DNAJC7: variants seen among roughly 807,000 people sequenced by gnomAD.
DNAJC7 encodes the protein dnaJ homolog subfamily C member 7.
A neutral mutation model predicts 67.4 loss-of-function variants in DNAJC7; 18 were observed. That is an observed-to-expected ratio of 0.27 (90% CI 0.18 to 0.40). The LOEUF (loss-of-function observed/expected upper bound fraction) is 0.40, where lower values mean the gene tolerates loss of function less well. Ranked by LOEUF, DNAJC7 falls within the 10% of genes least tolerant of loss-of-function variation. DNAJC7 has a pLI of 1.00. For synonymous variants in DNAJC7, 220 were observed against 207.8 expected, an observed-to-expected ratio of 1.06 and a Z score of -0.50; for missense variants, 419 against 613.8, an observed-to-expected ratio of 0.68 and a Z score of 3.35.
intron 7 of DNAJC7, among the ~76,000 whole-genome samples, 183 bp from the exon 8 acceptor site, chr17:41,989,079 G>C (rs1555647303): frequency 6.6e-6 from 1 of 152,178 alleles, no homozygotes; most frequent in East Asian, 1.9e-4. Flanking sequence ...GACAGGAAAA[G>C]AGTTACCAAA....
chr17:41,989,274 A>T, intron 7 of DNAJC7, 130 bp downstream of exon 7: 1 of 1,289,060 alleles, frequency 7.8e-7, no homozygotes, highest in Non-Finnish European at 1.1e-6. Context: ...TCTAATAAAG[A>T]CCAAGCATCC....
chr17:41,996,041 T>A (rs999866643), intron 4 of DNAJC7, among the ~76,000 whole-genome samples: 12 of 152,226 alleles, frequency 7.9e-5, no homozygotes, highest in Non-Finnish European at 1.2e-4. Context: ...TTAACCTCAC[T>A]CAAATCAGTC....
intron 5 of DNAJC7, 87 bp from the exon 6 acceptor site, chr17:41,990,469 A>C: frequency 4.5e-6 from 5 of 1,116,220 alleles, no homozygotes; most frequent in Middle Eastern, 2.0e-4. Flanking sequence ...TAACAGACTC[A>C]AAACTCAATG....
chr17:41,985,739 T>A (rs1323601486), intron 9 of DNAJC7: 1 of 152,150 alleles, frequency 6.6e-6, no homozygotes, highest in Non-Finnish European at 1.5e-5. Context: ...ACTGCAGCAG[T>A]AGTCAGGCCA....
chr17:41,999,217 G>T (rs1401653942), intron 2 of DNAJC7, among the ~76,000 whole-genome samples: 2 of 151,692 alleles, frequency 1.3e-5, no homozygotes, highest in Non-Finnish European at 2.9e-5. Context: ...CGAGTAGCTG[G>T]GATTACAAGC....
In DNAJC7 at chr17:41,999,140, C is replaced by T. The variant is rs544559690; in HGVS notation, c.166+1342G>A. On this transcript the variant is annotated intron_variant, in intron 2 of 13. Transcript: ENST00000457167. ...GCTTGTTGCCCAGGCTGGAGTGCAG[C>T]GACGTGATCTTGGCTCACTACAACC... Among the ~76,000 whole-genome samples, 5 of 151,660 alleles carry T rather than the reference C, an allele frequency of 3.3e-5. No individual in the cohort carries two copies. In the East Asian group the frequency reaches 7.7e-4, roughly 23 times the overall value.
Position 41,977,276 on chromosome 17 carries a change from C to T in DNAJC7, c.1432G>A (p.Gly478Ser), listed in dbSNP as rs1293360696. The change falls in exon 13 of 14, where the codon GGC (glycine) becomes AGC (serine). Residue 478 changes from glycine (G) to serine (S), a missense_variant. By Grantham distance (56) the Gly-to-Ser change is moderately conservative (BLOSUM62 0). Around this residue, in one of 4 missense-constraint regions of DNAJC7, gnomAD observed 161 missense variants for 252.2 expected, o/e 0.64. Coordinates refer to ENST00000457167, the MANE Select transcript of DNAJC7 (RefSeq NM_003315.4). The part of the protein sequence containing the change: ...IFKAFFGGPG[G>S]FSFEASGPGN... ...GCCCACCTACCTTCAAAGCTGAAGC[C>T]GCCAGGACCGCCAAAGAATGCCTTG... is the stretch of plus-strand genomic sequence containing the variant. 8.2e-6 allele frequency: 13 copies of T among 1,582,272 alleles called. No homozygotes were observed. The highest frequency in any genetic ancestry group is 4.6e-5 in the East Asian group (2 of 43,228).
intron 4 of DNAJC7, among the ~76,000 whole-genome samples, chr17:41,995,195 A>G (rs1338180050): frequency 6.6e-6 from 1 of 152,194 alleles, no homozygotes; most frequent in Non-Finnish European, 1.5e-5. Flanking sequence ...GACCTCTCAT[A>G]GAAGTCCCTA....
chr17:42,017,055 T>G (rs1328693283), intron 1 of DNAJC7: 1 of 1,364,282 alleles, frequency 7.3e-7, no homozygotes. Context: ...ACCAGACCTC[T>G]GAAATTGCCC....
chr17:41,983,967 C>T (rs914903830), intron 9 of DNAJC7, among the ~76,000 whole-genome samples: 1 of 152,192 alleles, frequency 6.6e-6, no homozygotes. Flanking sequence ...AAGGGATCTA[C>T]TTGATTACTT....
At chr17:41,989,363 AG>A (rs782559875) in intron 7 of DNAJC7, 40 bp downstream of exon 7, 5 of 1,605,686 alleles carry the variant, frequency 3.1e-6, no homozygotes, top group Non-Finnish European at 4.3e-6. Context: ...AGGTCCCAAA[AG>A]GAAGCTCTTT....
chr17:42,017,050 A>G, intron 1 of DNAJC7: 1 of 1,359,112 alleles, frequency 7.4e-7, no homozygotes, highest in Non-Finnish European at 9.5e-7. Flanking sequence ...CTCGCACCAG[A>G]CCTCTGAAAT....
At chr17:42,010,181 A>G (rs1429996703) in intron 1 of DNAJC7, among the ~76,000 whole-genome samples, 1 of 150,776 alleles carries the variant, frequency 6.6e-6, no homozygotes, top group Non-Finnish European at 1.5e-5. Flanking sequence ...AGAAAGAGAG[A>G]AAGAAAGAGG....
intron 1 of DNAJC7, among the ~76,000 whole-genome samples, chr17:42,010,569 T>A (rs1375769515): frequency 6.6e-6 from 1 of 151,720 alleles, no homozygotes; most frequent in Non-Finnish European, 1.5e-5. Context: ...GGAACTAGAG[T>A]GGGGAGGAGC....
chr17:41,980,052 CTTT>C (rs111374192), intron 12 of DNAJC7, among the ~76,000 whole-genome samples: 13 of 136,666 alleles, frequency 9.5e-5, no homozygotes, highest in Admixed American at 7.4e-5. Flanking sequence ...GTCAGGTCCT[CTTT>C]TTTTTTTTTT....
rs782706643 is a variant in DNAJC7, at chr17:41,988,825, T to C, written c.825A>G (p.Ala275=). 3.1e-6 allele frequency: 5 copies of C among 1,613,962 alleles called. No homozygotes were observed. The South Asian group carries it at 4.4e-5, about 14-fold the overall frequency. Residue 275 remains alanine, a synonymous_variant, in exon 8 of 14, where the codon GCA becomes GCG. Transcript: ENST00000457167. ...KAFKEGNYKL[A]YELYTEALGI... ...CCAGGGCTTCTGTGTACAGTTCATA[T>C]GCTAGTTTGTAATTTCCTTCCTTAA... is the stretch of plus-strand genomic sequence containing the variant.
intron 9 of DNAJC7, chr17:41,985,469 A>C (rs1474261670): frequency 6.6e-6 from 1 of 151,978 alleles, no homozygotes; most frequent in Non-Finnish European, 1.5e-5. Flanking sequence ...TGGGTATAGA[A>C]TGATGTGACA....
At chr17:42,015,453 A>G (rs572117970) in intron 1 of DNAJC7, 1 of 152,350 alleles carries the variant, frequency 6.6e-6, no homozygotes, top group South Asian at 2.1e-4. Context: ...CTGTGATTGA[A>G]GAAATGTATT....
At chr17:41,988,026 CATA>C in intron 8 of DNAJC7, 116 bp from the exon 9 acceptor site, 1 of 806,754 alleles carries the variant, frequency 1.2e-6, no homozygotes, top group Admixed American at 2.6e-5. Flanking sequence ...CCTTAAATGT[CATA>C]TTAAGTTCTA....
Sources: allele counts gnomAD v4.1 joint callset (sites outside exome capture counted in the v4.1 genomes callset), GRCh38; gene constraint gnomAD v4.1.1; regional missense constraint gnomAD v4.1.1; transcripts MANE v1.5; gene names NCBI Gene and HGNC (gene_info 2026-07-23, HGNC 2026-07-21).